The following FAM221B variants were observed in gnomAD, a reference collection of about 807,000 sequenced individuals.
The protein encoded by FAM221B is protein FAM221B.
In FAM221B, 35 loss-of-function variants were observed where a neutral mutation model predicts 39.8. That is an observed-to-expected ratio of 0.88 (90% CI 0.67 to 1.17). The LOEUF is 1.17. Among genes scored for constraint, FAM221B ranks in the 50% most tolerant of loss-of-function variants. FAM221B has a pLI of 0.00. For missense variants in FAM221B, 479 were observed against 503.1 expected, an observed-to-expected ratio of 0.95 and a Z score of 0.46; for synonymous variants, 158 against 178.1, an observed-to-expected ratio of 0.89 and a Z score of 0.90.
At chr9:35,819,845 A>ATGACT in intron 4 of FAM221B, 45 bp downstream of exon 4, 1 of 1,185,596 alleles carries the variant, frequency 8.4e-7, no homozygotes, top group Non-Finnish European at 1.2e-6. Flanking sequence ...GACAGAGTAC[A>ATGACT]GTTATTCCTC....
rs1268430977 is a variant in FAM221B, at chr9:35,828,137, C to T, written c.-1+326G>A. On this transcript the variant is annotated intron_variant, in intron 1 of 6. Coordinates refer to ENST00000423537, the MANE Select transcript of FAM221B (RefSeq NM_001012446.4). The surrounding 1 kb of genome is among the most constrained non-coding windows in gnomAD (Gnocchi z 4.5). ...TGAAACCCAGTCTCTACTAAAAATA[C>T]AAAAATTAGCTGGGCATGGTGGCAG... is the stretch of plus-strand genomic sequence containing the variant. Among the ~76,000 whole-genome samples, 1 of 152,026 alleles carries T rather than the reference C, an allele frequency of 6.6e-6. No individual in the cohort carries two copies. The highest frequency in any genetic ancestry group is 1.5e-5 in the Non-Finnish European group (1 of 67,982).
intron 1 of FAM221B, among the ~76,000 whole-genome samples, chr9:35,827,572 GTCC>G (rs1248625277): frequency 6.6e-6 from 1 of 152,218 alleles, no homozygotes; most frequent in East Asian, 1.9e-4. Flanking sequence ...CAAGGATGTA[GTCC>G]TCCTTCCTGA....
At chr9:35,826,231 A>G (rs552491445) in intron 1 of FAM221B, 70 bp from the exon 2 acceptor site, 1 of 1,196,478 alleles carries the variant, frequency 8.4e-7, no homozygotes, top group Non-Finnish European at 1.2e-6. Flanking sequence ...GGCAGAGCCC[A>G]GGGTTCGCAG....
chr9:35,819,469 C>A, intron 4 of FAM221B, 75 bp from the exon 5 acceptor site: 1 of 1,324,490 alleles, frequency 7.6e-7, no homozygotes. Flanking sequence ...ATCCTCCATC[C>A]CCACCACCCC....
At chr9:35,821,590 C>T (rs756319722) in intron 3 of FAM221B, 12 of 1,367,588 alleles carry the variant, frequency 8.8e-6, no homozygotes, top group African/African-American at 7.4e-5. Flanking sequence ...TGCAGGTGGG[C>T]GGGAGCCAGG....
chr9:35,822,851 A>G (rs1250049239), intron 3 of FAM221B, among the ~76,000 whole-genome samples: 2 of 152,150 alleles, frequency 1.3e-5, no homozygotes, highest in East Asian at 3.8e-4. Flanking sequence ...GTCTTTCTCC[A>G]GTCTACCCTA....
In FAM221B at chr9:35,825,275, G is replaced by A. The variant is rs757334133; in HGVS notation, c.697C>T (p.Leu233Phe). The change falls in exon 3 of 7, where the codon CTT becomes TTT. Residue 233 changes from leucine to phenylalanine, a missense_variant. Physicochemically the swap from Leu to Phe is conservative, Grantham distance 22. Coordinates refer to ENST00000423537, the MANE Select transcript of FAM221B (RefSeq NM_001012446.4). The surrounding 1 kb of genome is among the most constrained non-coding windows in gnomAD (Gnocchi z 4.2). ...REEFGAQVNN[L>F]FQWEKDAALN... The stretch of plus-strand genomic sequence containing the variant: ...GCTGCATCCTTCTCCCACTGGAAAA[G>A]ATTGTTCACTTGAGCACCAAACTCC... 6.2e-7 allele frequency: 1 copy of A among 1,614,240 alleles called. No homozygotes were observed. Among genetic ancestry groups the A allele is most frequent in the East Asian group, 2.2e-5 (1 of 44,892 alleles).
At chr9:35,823,211 T>C (rs1397865515) in intron 3 of FAM221B, among the ~76,000 whole-genome samples, 1 of 152,252 alleles carries the variant, frequency 6.6e-6, no homozygotes, top group African/African-American at 2.4e-5. Context: ...ATGCCCCTTT[T>C]TTTTCTGCTC....
At position 35,822,512 on chromosome 9, in the gene FAM221B, A is replaced by G. The variant is rs1829173609; in HGVS notation, c.743-2512T>C. On this transcript the variant is annotated intron_variant, in intron 3 of 6. Coordinates refer to ENST00000423537, the MANE Select transcript of FAM221B (RefSeq NM_001012446.4). ...AACCTCCACCTCCTGGGTTCAAGCA[A>G]TTCTCCTGCCTCAGCCTCCCAAGTA... is the stretch of plus-strand genomic sequence containing the variant. Among the ~76,000 whole-genome samples the G allele has an allele frequency of 2.6e-5, 4 of 152,016 alleles. 1 individual carries two copies. The South Asian group carries it at 8.3e-4, about 32-fold the overall frequency.
At chr9:35,821,001 G>A (rs1344580971) in intron 3 of FAM221B, among the ~76,000 whole-genome samples, 1 of 152,202 alleles carries the variant, frequency 6.6e-6, no homozygotes, top group Admixed American at 6.5e-5. Context: ...ACTGCCAGGT[G>A]TAGGATTCTT....
chr9:35,818,753 G>A, intron 6 of FAM221B, 137 bp downstream of exon 6: 2 of 1,201,594 alleles, frequency 1.7e-6, no homozygotes, highest in Non-Finnish European at 2.3e-6. Context: ...GTGGGATGCA[G>A]GTAGGTGGGT....
At position 35,825,862 on chromosome 9, in the gene FAM221B, C is replaced by T. The variant is rs774385123; in HGVS notation, c.300G>A (p.Val100=). 1.9e-6 allele frequency: 3 copies of T among 1,614,106 alleles called. No homozygotes were observed. In the South Asian group the frequency reaches 3.3e-5, roughly 18 times the overall value. Residue 100 remains valine (V), a synonymous_variant, in exon 2 of 7, where the codon GTG becomes GTA. Transcript: ENST00000423537. The surrounding 1 kb of genome is among the most constrained non-coding windows in gnomAD (Gnocchi z 4.2). The part of the protein sequence containing the change: ...YEASLDSPIS[V]VPEKHLTLPP... ...GAAGAGTAAGGTGTTTCTCTGGCAC[C>T]ACTGAGATGGGACTATCCAATGAAG...
chr9:35,820,730 G>C (rs554807433), intron 3 of FAM221B, among the ~76,000 whole-genome samples: 5 of 152,320 alleles, frequency 3.3e-5, no homozygotes, highest in African/African-American at 1.2e-4. Context: ...GGCTAAGCAA[G>C]GAGGCGTGGA....
intron 1 of FAM221B, 132 bp from the exon 2 acceptor site, chr9:35,826,293 A>T (rs907599148): frequency 7.1e-6 from 5 of 702,516 alleles, no homozygotes; most frequent in African/African-American, 7.1e-5. Context: ...TATAAGAGGG[A>T]AACAACATGA....
chr9:35,821,169 A>G (rs753315991), intron 3 of FAM221B, among the ~76,000 whole-genome samples: 5 of 152,134 alleles, frequency 3.3e-5, no homozygotes, highest in Non-Finnish European at 5.9e-5. Context: ...TTGTATTCCT[A>G]TTAGTCCATG....
chr9:35,825,559 C>A lies in FAM221B; in HGVS notation c.598+5G>T. 11 of 1,602,526 alleles carry A rather than the reference C, an allele frequency of 6.9e-6. No homozygotes were observed. Among genetic ancestry groups the A allele is most frequent in the Non-Finnish European group, 9.4e-6 (11 of 1,173,146 alleles). On this transcript the variant is annotated splice_donor_5th_base_variant and intron_variant, in intron 2 of 6. Transcript: ENST00000423537. The surrounding 1 kb of genome is among the most constrained non-coding windows in gnomAD (Gnocchi z 4.2). The stretch of plus-strand genomic sequence containing the variant: ...AGCTAACTCCTTTCTTCTTCTTCTT[C>A]TTGCCTAGTTGGTGTCCAGGTTGGG...
rs1017296898 is a variant in FAM221B, at chr9:35,817,678, A to G, written c.*791T>C. On this transcript the variant is annotated 3_prime_UTR_variant, in exon 7 of 7. Coordinates refer to ENST00000423537, the MANE Select transcript of FAM221B (RefSeq NM_001012446.4). ...TTTCTCTTCTTGTCTCCTGCTCCCT[A>G]CTCTTATCCCTCTTCCCCTGGACCC... is the stretch of plus-strand genomic sequence containing the variant. 1 of 150,652 alleles carries G rather than the reference A, an allele frequency of 6.6e-6. No homozygotes were observed. The highest frequency in any genetic ancestry group is 6.6e-5 in the Admixed American group (1 of 15,162). The allele number at this position is 150,652 out of a possible 1,614,324, so 9.3% of individuals were successfully genotyped here.
At position 35,816,395 on chromosome 9, in the gene FAM221B, CTTTTTTTT is replaced by C. The variant is rs35921854; in HGVS notation, c.*2066_*2073del. On this transcript the variant is annotated 3_prime_UTR_variant, in exon 7 of 7. Transcript: ENST00000423537. ...CTGTTTCTTTGGTTTTTCTTTTTTTCTTTTTTTTTTTTTTAAACACATGACCTGATACA... is the reference window on the plus strand; with the variant it reads ...CTGTTTCTTTGGTTTTTCTTTTTTTCTTTTTTAAACACATGACCTGATACA... 2.9e-5 allele frequency: 4 copies of C among 137,812 alleles called. No individual in the cohort carries two copies. Among genetic ancestry groups the C allele is most frequent in the Middle Eastern group, 3.8e-3 (1 of 260 alleles). The allele number at this position is 137,812 out of a possible 1,614,324, so 8.5% of individuals were successfully genotyped here.
In FAM221B at chr9:35,825,897, T is replaced by C; in HGVS notation, c.265A>G (p.Thr89Ala). The C allele has an allele frequency of 6.2e-7, 1 of 1,613,160 alleles. No individual in the cohort carries two copies. The highest frequency in any genetic ancestry group is 1.1e-5 in the South Asian group (1 of 90,994). Residue 89 changes from threonine (T) to alanine (A), a missense_variant, in exon 2 of 7, where the codon ACC (threonine) becomes GCC (alanine). Physicochemically the swap from Thr to Ala is moderately conservative, Grantham distance 58 (BLOSUM62 0). Coordinates refer to ENST00000423537, the MANE Select transcript of FAM221B (RefSeq NM_001012446.4). This position sits in a 1 kb window ranked among gnomAD's most constrained non-coding sequence, Gnocchi z 4.2. ...SISETPSETPTYEASLDSPIS... is the reference protein window; with the variant it reads ...SISETPSETPAYEASLDSPIS... ...GGACTATCCAATGAAGCCTCATAGG[T>C]AGGGGTCTCTGAAGGAGTCTCAGAG...
Sources: gnomAD v4.1 joint callset for allele counts (sites outside exome capture counted in the v4.1 genomes callset) on GRCh38, gnomAD v4.1.1 for gene constraint, Gnocchi (gnomAD v3.1) non-coding constraint, MANE v1.5 for transcripts, NCBI Gene and HGNC (gene_info 2026-07-23, HGNC 2026-07-21) for gene names.